SDCCAG8: variants seen among roughly 807,000 people sequenced by gnomAD.
The protein encoded by SDCCAG8 is serologically defined colon cancer antigen 8.
SDCCAG8 carries 74 observed loss-of-function variants against 101.8 expected under a neutral mutation model. The ratio of observed to expected loss-of-function variants is 0.73; its 90% CI spans 0.60 to 0.88. The LOEUF is 0.88. SDCCAG8 is among the 40% of genes least tolerant of loss of function. The pLI is 0.00. For synonymous variants in SDCCAG8, 281 were observed against 292.9 expected, an observed-to-expected ratio of 0.96 and a Z score of 0.41; for missense variants, 787 against 822.6, an observed-to-expected ratio of 0.96 and a Z score of 0.53.
In SDCCAG8 at chr1:243,274,587, C is replaced by T. The variant is rs2068372963; in HGVS notation, c.351C>T (p.Asp117=). 1.9e-6 allele frequency: 3 copies of T among 1,611,228 alleles called. No homozygotes were observed. The East Asian group carries it at 6.7e-5, about 36-fold the overall frequency. The change falls in exon 4 of 18, where the codon GAC becomes GAT. Residue 117 remains aspartate (D), a synonymous_variant. Transcript: ENST00000366541. ...AAACCAATATGCCTACTATGCACGA[C>T]CTTGTTCATACTATTAATGACCAGT... is the stretch of plus-strand genomic sequence containing the variant. ...HEETNMPTMH[D]LVHTINDQSQ... is the part of the protein sequence containing the mutation.
chr1:243,438,115 G>A (rs1403712978), intron 16 of SDCCAG8, among the ~76,000 whole-genome samples: 2 of 152,164 alleles, frequency 1.3e-5, no homozygotes, highest in African/African-American at 4.8e-5. Flanking sequence ...CACCTCGGAG[G>A]GGGAAGCTGC....
chr1:243,470,697 C>G (rs1171721787), intron 16 of SDCCAG8, among the ~76,000 whole-genome samples: 1 of 152,104 alleles, frequency 6.6e-6, no homozygotes, highest in Non-Finnish European at 1.5e-5. Context: ...GCTAGTTTCT[C>G]AGCTTGTCTG....
At chr1:243,391,760 A>G (rs2078713548) in intron 13 of SDCCAG8, among the ~76,000 whole-genome samples, 1 of 152,254 alleles carries the variant, frequency 6.6e-6, no homozygotes, top group African/African-American at 2.4e-5. Flanking sequence ...TGAGGAAATA[A>G]CCATTAGAAC....
chr1:243,376,226 T>G (rs2077587631), intron 12 of SDCCAG8, among the ~76,000 whole-genome samples: 1 of 152,196 alleles, frequency 6.6e-6, no homozygotes, highest in African/African-American at 2.4e-5. Flanking sequence ...TGTCTTTTAG[T>G]CAGATTTTAC....
chr1:243,480,705 A>G (rs1574302296), intron 16 of SDCCAG8, among the ~76,000 whole-genome samples: 1 of 90,258 alleles, frequency 1.1e-5, no homozygotes. Context: ...GGTGGGATGG[A>G]TGGATGGATG....
intron 16 of SDCCAG8, among the ~76,000 whole-genome samples, chr1:243,479,545 A>G (rs900546191): frequency 1.3e-5 from 2 of 152,232 alleles, no homozygotes; most frequent in Admixed American, 6.5e-5. Flanking sequence ...TTTGATTTTT[A>G]AAAATCATTT....
At chr1:243,259,674 C>T (rs1159027113) in intron 1 of SDCCAG8, among the ~76,000 whole-genome samples, 2 of 151,908 alleles carry the variant, frequency 1.3e-5, no homozygotes, top group Non-Finnish European at 2.9e-5. Context: ...ACAAAATGAG[C>T]CAGGCGTGGT....
At chr1:243,289,671 T>G (rs898621840) in intron 5 of SDCCAG8, among the ~76,000 whole-genome samples, 3 of 152,216 alleles carry the variant, frequency 2.0e-5, no homozygotes, top group Non-Finnish European at 4.4e-5. Flanking sequence ...GTAATTGGCC[T>G]AATGTCACAG....
intron 1 of SDCCAG8, among the ~76,000 whole-genome samples, chr1:243,256,886 T>C (rs2066759870): frequency 6.6e-6 from 1 of 152,230 alleles, no homozygotes; most frequent in East Asian, 1.9e-4. Context: ...ATAATTACTA[T>C]TATCAAAACC....
At chr1:243,296,050 C>T (rs1382798703) in intron 6 of SDCCAG8, among the ~76,000 whole-genome samples, 1 of 152,070 alleles carries the variant, frequency 6.6e-6, no homozygotes, top group African/African-American at 2.4e-5. Flanking sequence ...GGGTGGAGTG[C>T]AGTGGCGCAA....
intron 12 of SDCCAG8, among the ~76,000 whole-genome samples, chr1:243,360,144 CTTTTT>C (rs397860448): frequency 1.8e-5 from 2 of 112,846 alleles, no homozygotes; most frequent in African/African-American, 7.4e-5. Context: ...GCAACAGTCT[CTTTTT>C]TTTTTTTTTT....
At chr1:243,300,104 C>T (rs1227585122) in intron 6 of SDCCAG8, among the ~76,000 whole-genome samples, 2 of 152,166 alleles carry the variant, frequency 1.3e-5, no homozygotes, top group African/African-American at 4.8e-5. Context: ...ACCTCGTGAT[C>T]CGCCCGCCTT....
At position 243,475,695 on chromosome 1, in the gene SDCCAG8, A is replaced by G. The variant is rs538147593; in HGVS notation, c.1986-13319A>G. Among the ~76,000 whole-genome samples the G allele has an allele frequency of 9.2e-5, 14 of 152,232 alleles. No individual in the cohort carries two copies. In the South Asian group the frequency reaches 2.9e-3, roughly 32 times the overall value. On this transcript the variant is annotated intron_variant, in intron 16 of 17. Transcript: ENST00000366541. ...CTAAAAGTTGATTGATGACAGAGAG[A>G]TGGTGCTAAACTGGCATATTGCAAA... is the stretch of plus-strand genomic sequence containing the variant.
At chr1:243,476,210 G>A (rs774352829) in intron 16 of SDCCAG8, 285 of 985,482 alleles carry the variant, frequency 2.9e-4, no homozygotes, top group Non-Finnish European at 3.1e-4. Flanking sequence ...CCAGCAGATG[G>A]GGTTCTTTGA....
At chr1:243,259,672 A>G (rs2067047176) in intron 1 of SDCCAG8, among the ~76,000 whole-genome samples, 1 of 151,412 alleles carries the variant, frequency 6.6e-6, no homozygotes, top group African/African-American at 2.4e-5. Flanking sequence ...ATACAAAATG[A>G]GCCAGGCGTG....
At chr1:243,287,414 G>GTT (rs201478217) in intron 5 of SDCCAG8, among the ~76,000 whole-genome samples, 5 of 141,680 alleles carry the variant, frequency 3.5e-5, no homozygotes, top group East Asian at 2.0e-4. Flanking sequence ...CGTTTTTGAA[G>GTT]TTTTTTTTTT....
At chr1:243,286,249 G>T (rs754881873) in intron 4 of SDCCAG8, 23 bp from the exon 5 acceptor site, 2 of 1,610,428 alleles carry the variant, frequency 1.2e-6, no homozygotes, top group Non-Finnish European at 1.7e-6. Context: ...AATGCTTAAT[G>T]TGTTTGGTTT....
intron 5 of SDCCAG8, among the ~76,000 whole-genome samples, chr1:243,290,216 C>T (rs2070102021): frequency 7.1e-6 from 1 of 140,784 alleles, no homozygotes; most frequent in Non-Finnish European, 1.6e-5. Context: ...CCCCCCGATC[C>T]CCTGCCACCC....
chr1:243,348,474 C>A lies in SDCCAG8; in HGVS notation c.1473+4143C>A, dbSNP rs2075875607. ...GGCAAAAGACACAGGAGAACACACA[C>A]CTCCCCCAGTGACATACGCACCTCC... On this transcript the variant is annotated intron_variant, in intron 12 of 17. Coordinates refer to ENST00000366541, the MANE Select transcript of SDCCAG8 (RefSeq NM_006642.5). Among the ~76,000 whole-genome samples, 4 of 152,008 alleles carry A rather than the reference C, an allele frequency of 2.6e-5. No homozygotes were observed. In the South Asian group the frequency reaches 8.3e-4, roughly 32 times the overall value.
Sources: allele counts gnomAD v4.1 joint callset (sites outside exome capture counted in the v4.1 genomes callset), GRCh38; gene constraint gnomAD v4.1.1; transcripts MANE v1.5; gene names NCBI Gene and HGNC (gene_info 2026-07-23, HGNC 2026-07-21).